Variants in ADAMTS18 observed in about 807,000 individuals in gnomAD.
The protein encoded by ADAMTS18 is ADAM metallopeptidase with thrombospondin type 1 motif 18, also known as A disintegrin and metalloproteinase with thrombospondin motifs 18.
ADAMTS18 carries 157 observed loss-of-function variants against 165.9 expected under a neutral mutation model. The observed-to-expected ratio is 0.95, with a 90% CI of 0.83 to 1.08. The LOEUF is 1.08. Ranked by LOEUF, ADAMTS18 falls within the 50% of genes least tolerant of loss-of-function variation. The pLI, the probability that ADAMTS18 is intolerant of heterozygous loss-of-function variation, is 0.00. For missense variants in ADAMTS18, 2,040 were observed against 1,534.0 expected (o/e 1.33, Z -5.51); for synonymous variants, 782 against 578.2 (o/e 1.35, Z -5.06).
chr16:77,332,164 C>CTTT (rs2056199949), intron 12 of ADAMTS18, among the ~76,000 whole-genome samples: 1 of 152,160 alleles, frequency 6.6e-6, no homozygotes, highest in Non-Finnish European at 1.5e-5. Flanking sequence ...GGTCAGGATG[C>CTTT]AGAAATGGTC....
At chr16:77,380,844 C>G (rs1043943744) in intron 3 of ADAMTS18, among the ~76,000 whole-genome samples, 2 of 152,014 alleles carry the variant, frequency 1.3e-5, no homozygotes, top group African/African-American at 4.8e-5. Flanking sequence ...CTCACTGCAG[C>G]TCTATTTGTT....
At chr16:77,359,700 C>A (rs534206421) in intron 7 of ADAMTS18, among the ~76,000 whole-genome samples, 119 of 152,250 alleles carry the variant, frequency 7.8e-4, no homozygotes, top group African/African-American at 2.7e-3. Flanking sequence ...CTGTAATTCC[C>A]ATTTTACATT....
At chr16:77,295,951 C>G (rs998311779) in intron 18 of ADAMTS18, among the ~76,000 whole-genome samples, 3 of 151,720 alleles carry the variant, frequency 2.0e-5, no homozygotes, top group Admixed American at 2.0e-4. Context: ...TCAAGTGATT[C>G]TCCTGCCTCA....
chr16:77,380,580 A>G (rs2057016344), intron 3 of ADAMTS18, among the ~76,000 whole-genome samples: 1 of 152,256 alleles, frequency 6.6e-6, no homozygotes, highest in African/African-American at 2.4e-5. Context: ...TATTCTTAAC[A>G]TCTACTGCAT....
intron 3 of ADAMTS18, among the ~76,000 whole-genome samples, chr16:77,376,726 T>G (rs997422576): frequency 1.3e-5 from 2 of 152,204 alleles, no homozygotes; most frequent in South Asian, 4.1e-4. Flanking sequence ...GTTTAATGTT[T>G]TATTCTTTAA....
Position 77,300,661 on chromosome 16 carries a change from A to C in ADAMTS18, c.2533-257T>G, listed in dbSNP as rs181638527. Among the ~76,000 whole-genome samples the C allele has an allele frequency of 4.3e-3, 661 of 152,228 alleles. 8 individuals are homozygous for C. The highest frequency in any genetic ancestry group is 4.4e-3 in the Non-Finnish European group (301 of 67,992). On this transcript the variant is annotated intron_variant, in intron 16 of 22. Transcript: ENST00000282849. ...CACGATTGACATTTGCCATAAGCCC[A>C]TAACGTATACACAAACACATACATA...
At chr16:77,416,406 A>G (rs1008745908) in intron 3 of ADAMTS18, among the ~76,000 whole-genome samples, 21 of 152,170 alleles carry the variant, frequency 1.4e-4, no homozygotes, top group Non-Finnish European at 1.5e-5. Context: ...TTGAATTGTA[A>G]TAATCCCCAC....
chr16:77,298,065 C>T (rs1298849261), intron 17 of ADAMTS18, among the ~76,000 whole-genome samples: 1 of 151,758 alleles, frequency 6.6e-6, no homozygotes, highest in Non-Finnish European at 1.5e-5. Flanking sequence ...CCTGGGATTA[C>T]AGGTGTGTGA....
chr16:77,335,889 G>A lies in ADAMTS18; in HGVS notation c.1726C>T (p.Gln576Ter). ...CGLSMWCRQG[Q>*]CVKFGELGPR... is the part of the protein sequence containing the mutation. ...CCGAGCTCCCCAAACTTTACGCACTGGCCTTGCCGACACCACTGTGAAAAG... is the reference window on the plus strand; with the variant it reads ...CCGAGCTCCCCAAACTTTACGCACTAGCCTTGCCGACACCACTGTGAAAAG... Residue 576 changes from glutamine (Q) to a stop codon, truncating the protein, a stop_gained, in exon 12 of 23, where the codon CAG becomes TAG. Coordinates refer to ENST00000282849, the MANE Select transcript of ADAMTS18 (RefSeq NM_199355.4). LOFTEE classifies it high-confidence loss of function. 6.2e-7 allele frequency: 1 copy of A among 1,614,190 alleles called. No individual in the cohort carries two copies. Among genetic ancestry groups the A allele is most frequent in the East Asian group, 2.2e-5 (1 of 44,882 alleles).
intron 12 of ADAMTS18, 82 bp downstream of exon 12, chr16:77,335,672 CTT>C: frequency 2.0e-6 from 3 of 1,529,390 alleles, no homozygotes; most frequent in Non-Finnish European, 2.7e-6. Flanking sequence ...AAAAAATAAA[CTT>C]AAAGTATGAA....
chr16:77,391,272 G>A (rs2057182516), intron 3 of ADAMTS18, among the ~76,000 whole-genome samples: 1 of 152,168 alleles, frequency 6.6e-6, no homozygotes, highest in African/African-American at 2.4e-5. Context: ...GGAGGCCAAA[G>A]CGGGCAGATC....
chr16:77,295,522 G>A lies in ADAMTS18; in HGVS notation c.2802-395C>T, dbSNP rs544362471. The stretch of plus-strand genomic sequence containing the variant: ...GAGCCTATAACACAGTAAAGAGGTG[G>A]ATATGTGAACAAATAAAGACAGTAC... On this transcript the variant is annotated intron_variant, in intron 18 of 22. Transcript: ENST00000282849. Among the ~76,000 whole-genome samples, 46 of 152,284 alleles carry A rather than the reference G, an allele frequency of 3.0e-4. No individual in the cohort carries two copies. In the South Asian group the frequency reaches 9.3e-3, roughly 31 times the overall value.
chr16:77,371,314 T>G (rs1449256642), intron 3 of ADAMTS18, among the ~76,000 whole-genome samples: 1 of 152,004 alleles, frequency 6.6e-6, no homozygotes, highest in Non-Finnish European at 1.5e-5. Flanking sequence ...AAAAAGACCC[T>G]GAAGAGCAAA....
chr16:77,410,292 G>GAAAAAAAAAAA (rs11376240), intron 3 of ADAMTS18, among the ~76,000 whole-genome samples: 1 of 141,278 alleles, frequency 7.1e-6, no homozygotes, highest in Non-Finnish European at 1.5e-5. Flanking sequence ...ACCCAAATTT[G>GAAAAAAAAAAA]AAAAAAAAAA....
chr16:77,428,709 C>G (rs1253767474), intron 3 of ADAMTS18, among the ~76,000 whole-genome samples: 1 of 152,142 alleles, frequency 6.6e-6, no homozygotes, highest in African/African-American at 2.4e-5. Context: ...CTTTTGAGTA[C>G]TGATATGACA....
At chr16:77,302,786 T>C (rs1012336315) in intron 16 of ADAMTS18, among the ~76,000 whole-genome samples, 5 of 152,242 alleles carry the variant, frequency 3.3e-5, no homozygotes, top group African/African-American at 1.2e-4. Flanking sequence ...TTTCACCTTT[T>C]AGACAGATTC....
intron 3 of ADAMTS18, among the ~76,000 whole-genome samples, chr16:77,404,298 T>C (rs2057367781): frequency 6.6e-6 from 1 of 152,174 alleles, no homozygotes; most frequent in African/African-American, 2.4e-5. Context: ...GTGGAACTTT[T>C]CAGGGCAACA....
chr16:77,309,332 T>C (rs180975657), intron 16 of ADAMTS18, among the ~76,000 whole-genome samples: 3 of 152,270 alleles, frequency 2.0e-5, no homozygotes, highest in East Asian at 3.9e-4. Flanking sequence ...AAAAACTTGA[T>C]TGATTTAAAT....
chr16:77,316,729 G>C (rs1246845692), intron 16 of ADAMTS18, among the ~76,000 whole-genome samples: 2 of 152,100 alleles, frequency 1.3e-5, no homozygotes, highest in Admixed American at 6.5e-5. Flanking sequence ...GAGTGCAGTG[G>C]TGCGATCTCG....
Sources: gnomAD v4.1 joint callset for allele counts (sites outside exome capture counted in the v4.1 genomes callset) on GRCh38, gnomAD v4.1.1 for gene constraint, MANE v1.5 for transcripts, NCBI Gene and HGNC (gene_info 2026-07-23, HGNC 2026-07-21) for gene names.